MACROD2: variants seen among roughly 807,000 people sequenced by gnomAD.
The protein encoded by MACROD2 is mono-ADP ribosylhydrolase 2, also known as ADP-ribose glycohydrolase MACROD2.
Under a neutral mutation model 70.4 loss-of-function variants are expected in MACROD2, and 36 were observed. The ratio of observed to expected loss-of-function variants is 0.51; its 90% CI spans 0.39 to 0.68. The LOEUF (loss-of-function observed/expected upper bound fraction) is 0.68. MACROD2 is among the 30% of genes least tolerant of loss of function. The pLI, the probability that MACROD2 is intolerant of heterozygous loss-of-function variation, is 0.00. For synonymous variants in MACROD2, 172 were observed against 178.8 expected, an observed-to-expected ratio of 0.96 and a Z score of 0.30; for missense variants, 496 against 538.4, an observed-to-expected ratio of 0.92 and a Z score of 0.78.
At position 15,885,732 on chromosome 20, in the gene MACROD2, G is replaced by A. The variant is rs761730043; in HGVS notation, c.728-32G>A. On this transcript the variant is annotated intron_variant, in intron 9 of 17. Coordinates refer to ENST00000684519, the MANE Select transcript of MACROD2 (RefSeq NM_001351661.2). ...TCTTGTGTTTCCCACTTTCATATAA[G>A]TATTTCTTTATGTTTTCCTATTTTT... is the stretch of plus-strand genomic sequence containing the variant. 3 of 1,450,606 alleles carry A rather than the reference G, an allele frequency of 2.1e-6. No individual in the cohort carries two copies. In the Admixed American group the frequency reaches 8.4e-5, roughly 40 times the overall value. The allele number at this position is 1,450,606 out of a possible 1,614,324, so 89.9% of individuals were successfully genotyped here.
At chr20:15,199,733 T>C (rs954788932) in intron 5 of MACROD2, among the ~76,000 whole-genome samples, 14 of 152,234 alleles carry the variant, frequency 9.2e-5, no homozygotes, top group African/African-American at 3.1e-4. Context: ...TTCATGCTGT[T>C]TTAAAGTTTG....
chr20:14,351,884 T>C (rs1485794328), intron 3 of MACROD2, among the ~76,000 whole-genome samples: 2 of 152,226 alleles, frequency 1.3e-5, no homozygotes, highest in Non-Finnish European at 2.9e-5. Context: ...ATGGCTGTTA[T>C]GTTGAGGTTC....
chr20:15,468,092 C>G (rs4814380), intron 7 of MACROD2, among the ~76,000 whole-genome samples: 132,310 of 152,166 alleles, frequency 0.87, 57,874 homozygotes, highest in African/African-American at 0.97. Flanking sequence ...TCCCACTAGA[C>G]TATAAATGTC....
rs551797142 is a variant in MACROD2, at chr20:14,819,980, TGAAGAG to T, written c.418+135025_418+135030del. On this transcript the variant is annotated intron_variant, in intron 5 of 17. Coordinates refer to ENST00000684519, the MANE Select transcript of MACROD2 (RefSeq NM_001351661.2). ...CTCTGGCTCTGGTGTGTGGGCAGATTGAAGAGGAATATACCAAATGAAAGGAAGCAT... is the reference window on the plus strand; with the variant it reads ...CTCTGGCTCTGGTGTGTGGGCAGATTGAATATACCAAATGAAAGGAAGCAT... 2.7e-3 allele frequency among the ~76,000 whole-genome samples: 410 copies of T among 152,096 alleles called. 2 individuals carry two copies. Among genetic ancestry groups the T allele is most frequent in the African/African-American group, 9.5e-3 (394 of 41,510 alleles).
chr20:14,226,444 T>C (rs1314556154), intron 3 of MACROD2, among the ~76,000 whole-genome samples: 3 of 152,174 alleles, frequency 2.0e-5, no homozygotes, highest in Non-Finnish European at 4.4e-5. Flanking sequence ...CGCTGCACTG[T>C]GTGAGCCCCT....
Position 14,074,551 on chromosome 20 carries a change from G to GT in MACROD2, c.164-11062dup, listed in dbSNP as rs199594087. Among the ~76,000 whole-genome samples, 32 of 152,070 alleles carry GT rather than the reference G, an allele frequency of 2.1e-4. 1 individual carries two copies. The highest frequency in any genetic ancestry group is 9.6e-4 in the East Asian group (5 of 5,186). ...GGTTGAAGTTGGGTTAGAGACCTAT[G>GT]TTTTTTTTGAAAGGTACTACTGGGC... On this transcript the variant is annotated intron_variant, in intron 2 of 17. Coordinates refer to ENST00000684519, the MANE Select transcript of MACROD2 (RefSeq NM_001351661.2).
At chr20:14,499,873 C>T (rs2084897146) in intron 4 of MACROD2, among the ~76,000 whole-genome samples, 1 of 152,024 alleles carries the variant, frequency 6.6e-6, no homozygotes, top group African/African-American at 2.4e-5. Context: ...GTATACTAGC[C>T]TTGAAATCAG....
rs79465009 is a variant in MACROD2, at chr20:14,678,049, C to A, written c.302-6794C>A. Among the ~76,000 whole-genome samples, 810 of 152,250 alleles carry A rather than the reference C, an allele frequency of 5.3e-3. 16 individuals are homozygous for A. The highest frequency in any genetic ancestry group is 0.018 in the African/African-American group (768 of 41,556). ...GGTTCTACATAATAAAGGTTTATCA[C>A]CTGATTCACAGTCTAGTATGGGAAG... On this transcript the variant is annotated intron_variant, in intron 4 of 17. Coordinates refer to ENST00000684519, the MANE Select transcript of MACROD2 (RefSeq NM_001351661.2).
intron 8 of MACROD2, among the ~76,000 whole-genome samples, chr20:15,649,626 A>T (rs60475826): frequency 0.042 from 6,359 of 152,220 alleles, 468 homozygotes; most frequent in African/African-American, 0.14. Flanking sequence ...TTAGGTTGCT[A>T]TGTGGCAATT....
intron 4 of MACROD2, among the ~76,000 whole-genome samples, chr20:14,592,106 T>G (rs1264561265): frequency 6.6e-6 from 1 of 152,098 alleles, no homozygotes; most frequent in Non-Finnish European, 1.5e-5. Context: ...CACTAGAAAT[T>G]ACAGTTAATG....
At chr20:14,330,219 AAG>A (rs776776774) in intron 3 of MACROD2, among the ~76,000 whole-genome samples, 1 of 152,026 alleles carries the variant, frequency 6.6e-6, no homozygotes, top group Non-Finnish European at 1.5e-5. Flanking sequence ...GGCTTGACTA[AAG>A]AGATCATTGA....
At chr20:14,968,836 T>C (rs1345305361) in intron 5 of MACROD2, among the ~76,000 whole-genome samples, 1 of 152,242 alleles carries the variant, frequency 6.6e-6, no homozygotes, top group African/African-American at 2.4e-5. Flanking sequence ...CTGTCTCCCA[T>C]CTGCCTCTTC....
chr20:14,245,383 C>T (rs573290759), intron 3 of MACROD2, among the ~76,000 whole-genome samples: 44 of 150,874 alleles, frequency 2.9e-4, no homozygotes, highest in South Asian at 8.4e-4. Flanking sequence ...AAAAAAAATT[C>T]GTATGCTTTT....
chr20:14,600,946 C>G (rs977882669), intron 4 of MACROD2, among the ~76,000 whole-genome samples: 2 of 152,170 alleles, frequency 1.3e-5, no homozygotes, highest in Admixed American at 6.5e-5. Flanking sequence ...AGAGAGAGCA[C>G]AGGCTTTGCA....
chr20:14,305,948 C>T (rs376859457), intron 3 of MACROD2, among the ~76,000 whole-genome samples: 34 of 151,916 alleles, frequency 2.2e-4, no homozygotes, highest in African/African-American at 7.0e-4. Context: ...CTTTCTTCAA[C>T]GTGAGTCTAC....
chr20:14,394,717 TA>T, intron 3 of MACROD2, among the ~76,000 whole-genome samples: 1 of 152,322 alleles, frequency 6.6e-6, no homozygotes, highest in African/African-American at 2.4e-5. Context: ...GGTATAATGT[TA>T]GCTGCAGGTT....
At chr20:14,506,325 A>C (rs2084969466) in intron 4 of MACROD2, among the ~76,000 whole-genome samples, 1 of 152,158 alleles carries the variant, frequency 6.6e-6, no homozygotes. Context: ...GGCCAAGAAG[A>C]ATATAAAAGC....
chr20:15,481,225 C>T (rs1055576472), intron 7 of MACROD2, among the ~76,000 whole-genome samples: 3 of 152,146 alleles, frequency 2.0e-5, no homozygotes, highest in African/African-American at 7.2e-5. Flanking sequence ...ACATTATGGT[C>T]TGGGTTTATC....
intron 5 of MACROD2, among the ~76,000 whole-genome samples, chr20:14,834,145 TATGAA>T (rs2073002466): frequency 6.6e-6 from 1 of 152,040 alleles, no homozygotes; most frequent in Non-Finnish European, 1.5e-5. Flanking sequence ...TTTGCATTTC[TATGAA>T]ATAACTGTTT....
Sources: gnomAD v4.1 joint callset for allele counts (sites outside exome capture counted in the v4.1 genomes callset) on GRCh38, gnomAD v4.1.1 for gene constraint, MANE v1.5 for transcripts, NCBI Gene and HGNC (gene_info 2026-07-23, HGNC 2026-07-21) for gene names.